NAV2: variants seen among roughly 807,000 people sequenced by gnomAD.
NAV2 encodes neuron navigator 2, also known as helicase, APC down-regulated 1.
Under a neutral mutation model 223.2 loss-of-function variants are expected in NAV2, and 54 were observed. The observed-to-expected ratio is 0.24, with a 90% CI of 0.19 to 0.30. NAV2 has a LOEUF of 0.30. Ranked by LOEUF, NAV2 falls within the 10% of genes least tolerant of loss-of-function variation. NAV2 has a pLI of 1.00. For synonymous variants in NAV2, 1,279 were observed against 1,239.3 expected, an observed-to-expected ratio of 1.03 and a Z score of -0.67; for missense variants, 2,806 against 3,147.5, an observed-to-expected ratio of 0.89 and a Z score of 2.60.
intron 1 of NAV2, among the ~76,000 whole-genome samples, chr11:19,647,340 A>C (rs1372349988): frequency 6.6e-6 from 1 of 152,154 alleles, no homozygotes; most frequent in African/African-American, 2.4e-5. Context: ...CTAGGGTTAA[A>C]GCTGCTCTTT....
At chr11:19,801,931 C>T (rs1382485684) in intron 1 of NAV2, among the ~76,000 whole-genome samples, 1 of 152,154 alleles carries the variant, frequency 6.6e-6, no homozygotes, top group Admixed American at 6.5e-5. Context: ...AAAATCATTG[C>T]TTTTATTTTA....
intron 4 of NAV2, among the ~76,000 whole-genome samples, chr11:19,869,469 G>A (rs77267352): frequency 0.012 from 1,769 of 152,272 alleles, 28 homozygotes; most frequent in African/African-American, 0.036. Context: ...ATGCAATGCT[G>A]TATTTTTACA....
intron 1 of NAV2, among the ~76,000 whole-genome samples, chr11:19,623,519 C>T (rs1190111425): frequency 6.6e-6 from 1 of 152,154 alleles, no homozygotes; most frequent in Non-Finnish European, 1.5e-5. Flanking sequence ...TTCATTTGAT[C>T]TTTAATCACT....
chr11:20,052,848 C>T (rs2058098158), intron 17 of NAV2, among the ~76,000 whole-genome samples: 1 of 152,126 alleles, frequency 6.6e-6, no homozygotes, highest in Admixed American at 6.5e-5. Context: ...CCCAAAGAAT[C>T]CCCCTATTGA....
chr11:19,356,274 A>T (rs898105124), intron 1 of NAV2, among the ~76,000 whole-genome samples: 2 of 152,166 alleles, frequency 1.3e-5, no homozygotes, highest in African/African-American at 4.8e-5. Context: ...GTATAGGGTC[A>T]GGGGGGAGGA....
At chr11:19,358,802 T>C (rs778767215) in intron 1 of NAV2, among the ~76,000 whole-genome samples, 2 of 152,216 alleles carry the variant, frequency 1.3e-5, no homozygotes, top group Non-Finnish European at 2.9e-5. Flanking sequence ...TATTTCTCCT[T>C]GTTTCCACTG....
At chr11:19,394,578 A>G (rs963339990) in intron 1 of NAV2, among the ~76,000 whole-genome samples, 1 of 152,338 alleles carries the variant, frequency 6.6e-6, no homozygotes, top group Middle Eastern at 3.4e-3. Context: ...CAGTAATGAT[A>G]GGGCCTCACA....
intron 1 of NAV2, among the ~76,000 whole-genome samples, chr11:19,356,421 A>G (rs1349236269): frequency 6.6e-6 from 1 of 152,160 alleles, no homozygotes; most frequent in Non-Finnish European, 1.5e-5. Context: ...CAGCCGCAGC[A>G]TGAGGCACTG....
chr11:19,770,595 T>C (rs919476600), intron 1 of NAV2, among the ~76,000 whole-genome samples: 14 of 152,318 alleles, frequency 9.2e-5, no homozygotes, highest in South Asian at 4.1e-4. Context: ...TTCATGGGAA[T>C]AGCATGTCTG....
At chr11:19,617,023 G>A (rs1293125611) in intron 1 of NAV2, among the ~76,000 whole-genome samples, 2 of 152,002 alleles carry the variant, frequency 1.3e-5, no homozygotes, top group Admixed American at 1.3e-4. Context: ...TCATTTGGGG[G>A]CCTAAATGAT....
At chr11:19,917,500 G>A (rs998675403) in intron 6 of NAV2, among the ~76,000 whole-genome samples, 1 of 152,152 alleles carries the variant, frequency 6.6e-6, no homozygotes, top group African/African-American at 2.4e-5. Context: ...ACTCTCCCCT[G>A]TAACTGAAAT....
intron 11 of NAV2, among the ~76,000 whole-genome samples, chr11:20,019,072 C>T (rs1250589604): frequency 6.6e-6 from 1 of 152,164 alleles, no homozygotes; most frequent in Non-Finnish European, 1.5e-5. Context: ...GGGAAGCTAT[C>T]AGTGGGCTTT....
At chr11:19,831,722 C>T (rs982225369) in intron 1 of NAV2, among the ~76,000 whole-genome samples, 1 of 152,118 alleles carries the variant, frequency 6.6e-6, no homozygotes, top group African/African-American at 2.4e-5. Context: ...ATTCTGTGAC[C>T]AGGAAGAGCA....
chr11:20,080,843 A>G (rs2060046428), intron 25 of NAV2, among the ~76,000 whole-genome samples: 3 of 152,206 alleles, frequency 2.0e-5, no homozygotes, highest in Admixed American at 2.0e-4. Context: ...GAATTTCTGG[A>G]CAGTGGTGCC....
At chr11:19,463,654 G>A (rs972511640) in intron 1 of NAV2, among the ~76,000 whole-genome samples, 2 of 152,282 alleles carry the variant, frequency 1.3e-5, no homozygotes, top group East Asian at 3.8e-4. Context: ...AGAGGGTGTG[G>A]TGTCTAACCA....
intron 6 of NAV2, among the ~76,000 whole-genome samples, chr11:19,897,100 G>T (rs1262015755): frequency 6.6e-6 from 1 of 151,864 alleles, no homozygotes; most frequent in Admixed American, 6.6e-5. Context: ...GGATGAAGCT[G>T]GAAACCATCA....
At chr11:19,387,817 T>C (rs1182387722) in intron 1 of NAV2, among the ~76,000 whole-genome samples, 63 of 152,136 alleles carry the variant, frequency 4.1e-4, no homozygotes, top group Admixed American at 4.0e-3. Context: ...AATTTAAAAG[T>C]AGCATTTACA....
At chr11:19,581,596 A>G (rs1165685785) in intron 1 of NAV2, among the ~76,000 whole-genome samples, 1 of 151,768 alleles carries the variant, frequency 6.6e-6, no homozygotes. Context: ...ATTCCCACCT[A>G]TGAGTGAGAA....
chr11:19,689,448 G>A (rs983446352), intron 1 of NAV2, among the ~76,000 whole-genome samples: 2 of 152,204 alleles, frequency 1.3e-5, no homozygotes, highest in Non-Finnish European at 2.9e-5. Flanking sequence ...AGACATCACT[G>A]GGGGCCAAGA....
Sources: allele counts gnomAD v4.1 joint callset (sites outside exome capture counted in the v4.1 genomes callset), GRCh38; gene constraint gnomAD v4.1.1; transcripts MANE v1.5; gene names NCBI Gene and HGNC (gene_info 2026-07-23, HGNC 2026-07-21).